LRBA: variants seen among roughly 807,000 people sequenced by gnomAD.
LRBA encodes the protein LPS responsive beige-like anchor protein, also known as lipopolysaccharide-responsive and beige-like anchor protein.
A neutral mutation model predicts 330.0 loss-of-function variants in LRBA; 176 were observed. That is an observed-to-expected ratio of 0.53 (90% CI 0.47 to 0.60). LRBA has a LOEUF of 0.60. Ranked by LOEUF, LRBA falls within the 20% of genes least tolerant of loss-of-function variation. The pLI, the probability that LRBA is intolerant of heterozygous loss-of-function variation, is 0.00. For synonymous variants in LRBA, 1,230 were observed against 1,193.0 expected (o/e 1.03, Z -0.64); for missense variants, 3,259 against 3,444.8 (o/e 0.95, Z 1.35).
intron 53 of LRBA, among the ~76,000 whole-genome samples, chr4:150,288,439 C>T (rs1365150703): frequency 6.6e-6 from 1 of 152,062 alleles, no homozygotes; most frequent in East Asian, 1.9e-4. Context: ...GAAACCCTGC[C>T]TCTACTAAAA....
At position 150,928,566 on chromosome 4, in the gene LRBA, G is replaced by A. The variant is rs371936024; in HGVS notation, c.499C>T (p.Arg167Cys). Reference protein sequence around the residue: ...GVLASYNLTVRELKLFFSKLQ... With the variant: ...GVLASYNLTVCELKLFFSKLQ... The stretch of plus-strand genomic sequence containing the variant: ...TTACTGAAGAAAAGCTTTAGCTCGC[G>A]AACTGTCAAATTATAGCTAGCCAGC... Residue 167 changes from arginine to cysteine, a missense_variant, in exon 4 of 57, where the codon CGC becomes TGC. By Grantham distance (180) the Arg-to-Cys change is radical (BLOSUM62 -3). Coordinates refer to ENST00000651943, the MANE Select transcript of LRBA (RefSeq NM_001364905.1). 13 of 1,613,734 alleles carry A rather than the reference G, an allele frequency of 8.1e-6. No homozygotes were observed. Among genetic ancestry groups the A allele is most frequent in the East Asian group, 4.5e-5 (2 of 44,838 alleles).
intron 42 of LRBA, among the ~76,000 whole-genome samples, chr4:150,475,412 C>T (rs774880581): frequency 8.5e-5 from 13 of 152,100 alleles, no homozygotes; most frequent in Non-Finnish European, 1.6e-4. Flanking sequence ...TGGGTCTGGG[C>T]TTTTCTTTAT....
At position 150,828,409 on chromosome 4, in the gene LRBA, C is replaced by T. The variant is rs186688950; in HGVS notation, c.4942G>A (p.Val1648Ile). ...TTTTTGGTTTCCGGAGACTTATTGA[C>T]TTCTAAAGAAAGAGTAGATAGCACC... ...SEVLSTLSLEVNKSPETKNDR... is the reference protein window; with the variant it reads ...SEVLSTLSLEINKSPETKNDR... The change falls in exon 30 of 57, where the codon GTC (valine) becomes ATC (isoleucine). Residue 1648 changes from valine to isoleucine, a missense_variant. By Grantham distance (29) the Val-to-Ile change is conservative (BLOSUM62 3). Transcript: ENST00000651943. 1.9e-6 allele frequency: 3 copies of T among 1,614,120 alleles called. No individual in the cohort carries two copies. Among genetic ancestry groups the T allele is most frequent in the East Asian group, 4.5e-5 (2 of 44,880 alleles).
At chr4:150,851,650 T>C (rs1167091681) in intron 23 of LRBA, among the ~76,000 whole-genome samples, 1 of 152,230 alleles carries the variant, frequency 6.6e-6, no homozygotes, top group Non-Finnish European at 1.5e-5. Flanking sequence ...TTCAAAGTGG[T>C]AACTTCTGGT....
At chr4:150,525,277 C>CT (rs141748744) in intron 40 of LRBA, among the ~76,000 whole-genome samples, 10,259 of 148,194 alleles carry the variant, frequency 0.069, 563 homozygotes, top group East Asian at 0.18. Context: ...CATGCTCTGG[C>CT]TTTTTTTTTT....
intron 36 of LRBA, among the ~76,000 whole-genome samples, chr4:150,730,487 A>T (rs1441036056): frequency 4.6e-5 from 7 of 152,084 alleles, no homozygotes. Flanking sequence ...GTTTGGGACC[A>T]GCCTGGCCAA....
intron 47 of LRBA, among the ~76,000 whole-genome samples, chr4:150,375,865 T>C (rs1396781061): frequency 2.6e-5 from 4 of 152,140 alleles, no homozygotes; most frequent in African/African-American, 9.7e-5. Context: ...GGCTCTGTTT[T>C]TGGATTTTTG....
At chr4:150,392,285 G>C (rs894744603) in intron 47 of LRBA, among the ~76,000 whole-genome samples, 1 of 152,074 alleles carries the variant, frequency 6.6e-6, no homozygotes, top group African/African-American at 2.4e-5. Context: ...GTACCAACAT[G>C]GCCAGTTTCT....
chr4:150,575,684 T>C (rs1770450765), intron 40 of LRBA, among the ~76,000 whole-genome samples: 1 of 151,948 alleles, frequency 6.6e-6, no homozygotes, highest in African/African-American at 2.4e-5. Context: ...TCTACGTCTC[T>C]AATTTCACTC....
intron 22 of LRBA, among the ~76,000 whole-genome samples, chr4:150,858,931 A>G (rs570262982): frequency 6.6e-6 from 1 of 152,168 alleles, no homozygotes; most frequent in East Asian, 1.9e-4. Context: ...CTTATGATTT[A>G]AAAAATAATT....
At chr4:150,289,753 A>C (rs1463599312) in intron 53 of LRBA, among the ~76,000 whole-genome samples, 1 of 152,230 alleles carries the variant, frequency 6.6e-6, no homozygotes, top group East Asian at 1.9e-4. Flanking sequence ...CAAAAAGTAC[A>C]TTCAAAATAA....
chr4:150,616,825 A>C (rs557835314), intron 37 of LRBA, among the ~76,000 whole-genome samples: 1 of 152,318 alleles, frequency 6.6e-6, no homozygotes, highest in African/African-American at 2.4e-5. Context: ...CAAATAATCC[A>C]CCAAATGGTA....
At chr4:150,392,730 A>G (rs1744166223) in intron 47 of LRBA, among the ~76,000 whole-genome samples, 1 of 151,834 alleles carries the variant, frequency 6.6e-6, no homozygotes, top group African/African-American at 2.4e-5. Context: ...TTTGGGGCTG[A>G]GAATATGGGG....
intron 36 of LRBA, among the ~76,000 whole-genome samples, chr4:150,714,791 C>G (rs1786576827): frequency 6.6e-6 from 1 of 151,916 alleles, no homozygotes; most frequent in Admixed American, 6.6e-5. Context: ...AGAATTTATA[C>G]CAGTTTTAGT....
At chr4:151,013,638 A>G (rs1188391906) in intron 2 of LRBA, 3 of 152,230 alleles carry the variant, frequency 2.0e-5, no homozygotes, top group African/African-American at 7.2e-5. Context: ...AAGCAGGAGG[A>G]TAGCTTGAAC....
intron 40 of LRBA, among the ~76,000 whole-genome samples, chr4:150,555,815 T>C (rs545919808): frequency 2.0e-5 from 3 of 147,366 alleles, no homozygotes; most frequent in African/African-American, 7.7e-5. Flanking sequence ...AATATTCTCT[T>C]TTTTTGAGAC....
intron 36 of LRBA, among the ~76,000 whole-genome samples, chr4:150,684,189 A>G (rs1051742318): frequency 2.6e-5 from 4 of 152,238 alleles, no homozygotes; most frequent in African/African-American, 9.6e-5. Context: ...TGATAAATTT[A>G]CATATTAAAA....
chr4:150,503,653 G>A (rs1760615218), intron 40 of LRBA, among the ~76,000 whole-genome samples: 1 of 152,134 alleles, frequency 6.6e-6, no homozygotes, highest in African/African-American at 2.4e-5. Flanking sequence ...AAACAGAGCA[G>A]AAAAACTGGA....
rs1752974078 is a variant in LRBA at position 150,868,196 on chromosome 4, A to G, written c.2559T>C (p.Ser853=). Residue 853 remains serine (S), a synonymous_variant, in exon 21 of 57, where the codon AGT becomes AGC. Coordinates refer to ENST00000651943, the MANE Select transcript of LRBA (RefSeq NM_001364905.1). ...LSDMIKLFNN[S]RENRRSLLQC... The stretch of plus-strand genomic sequence containing the variant: ...ATTCAGCTTACCTCCTGTTTTCTCT[A>G]CTGTTATTAAAAAGTTTAATCATGT... 6.8e-6 allele frequency: 11 copies of G among 1,611,856 alleles called. No individual in the cohort carries two copies. The highest frequency in any genetic ancestry group is 7.6e-6 in the Non-Finnish European group (9 of 1,178,660).
Sources: gnomAD v4.1 joint callset for allele counts (sites outside exome capture counted in the v4.1 genomes callset) on GRCh38, gnomAD v4.1.1 for gene constraint, MANE v1.5 for transcripts, NCBI Gene and HGNC (gene_info 2026-07-23, HGNC 2026-07-21) for gene names.